Variants in LRP1B observed in about 807,000 individuals in gnomAD.
LRP1B encodes LDL receptor related protein 1B.
In LRP1B, 217 loss-of-function variants were observed where a neutral mutation model predicts 556.6. The ratio of observed to expected loss-of-function variants is 0.39; its 90% CI spans 0.35 to 0.44. The LOEUF (loss-of-function observed/expected upper bound fraction) is 0.44, where lower values mean the gene tolerates loss of function less well. LRP1B is among the 20% of genes least tolerant of loss of function. The probability of loss-of-function intolerance (pLI) is 1.00; values close to 1 mark genes in which losing one functional copy is unlikely to be tolerated. For synonymous variants in LRP1B, 2,047 were observed against 1,865.8 expected, an observed-to-expected ratio of 1.10 and a Z score of -2.50; for missense variants, 5,053 against 5,620.8, an observed-to-expected ratio of 0.90 and a Z score of 3.23.
At chr2:141,626,220 GT>G (rs994232038) in intron 2 of LRP1B, among the ~76,000 whole-genome samples, 1 of 152,108 alleles carries the variant, frequency 6.6e-6, no homozygotes, top group Non-Finnish European at 1.5e-5. Context: ...AGAAAAGATA[GT>G]TTTTCAACAA....
chr2:141,234,789 G>C (rs1369182879), intron 5 of LRP1B, among the ~76,000 whole-genome samples: 1 of 151,890 alleles, frequency 6.6e-6, no homozygotes, highest in Non-Finnish European at 1.5e-5. Context: ...ACAGAATCAT[G>C]GTGTGGAGAA....
intron 1 of LRP1B, among the ~76,000 whole-genome samples, chr2:141,890,417 G>C (rs1206020193): frequency 1.1e-5 from 1 of 90,342 alleles, no homozygotes; most frequent in Non-Finnish European, 2.3e-5. Flanking sequence ...ATACTGAATT[G>C]AAATTAAATG....
chr2:141,103,535 T>TCTCTCTCTC (rs1553460368), intron 7 of LRP1B, among the ~76,000 whole-genome samples: 1 of 151,884 alleles, frequency 6.6e-6, no homozygotes, highest in African/African-American at 2.4e-5. Context: ...TCTCTCTCTC[T>TCTCTCTCTC]TAAAAAGTTC....
intron 1 of LRP1B, among the ~76,000 whole-genome samples, chr2:141,976,019 AC>A (rs1452382882): frequency 6.7e-6 from 1 of 150,116 alleles, no homozygotes; most frequent in East Asian, 1.9e-4. Flanking sequence ...AATATAATGG[AC>A]TATAAAAGTT....
chr2:141,894,847 C>T (rs752096390), intron 1 of LRP1B, among the ~76,000 whole-genome samples: 56 of 151,634 alleles, frequency 3.7e-4, no homozygotes, highest in African/African-American at 8.0e-4. Flanking sequence ...GTTGGGAGTT[C>T]GAGACCAGCC....
At chr2:141,421,429 T>C (rs1680137290) in intron 3 of LRP1B, among the ~76,000 whole-genome samples, 1 of 149,104 alleles carries the variant, frequency 6.7e-6, no homozygotes, top group African/African-American at 2.5e-5. Context: ...CTTGGGAGGC[T>C]GAGGCAGGAG....
intron 3 of LRP1B, among the ~76,000 whole-genome samples, chr2:141,438,890 T>C (rs563668160): frequency 6.6e-6 from 1 of 152,290 alleles, no homozygotes; most frequent in East Asian, 1.9e-4. Flanking sequence ...GACATATGTT[T>C]ACTATCTTTG....
intron 51 of LRP1B, 115 bp from the exon 52 acceptor site, chr2:140,510,171 C>T (rs753681132): frequency 3.5e-5 from 40 of 1,138,938 alleles, no homozygotes; most frequent in Non-Finnish European, 4.5e-5. Flanking sequence ...TATAAGGAGG[C>T]GATTGTAGTT....
At chr2:141,015,593 C>T in intron 13 of LRP1B, 103 bp downstream of exon 13, 1 of 951,922 alleles carries the variant, frequency 1.1e-6, no homozygotes, top group Non-Finnish European at 1.6e-6. Flanking sequence ...GCAGCCACCT[C>T]AGAGGAGTAA....
At chr2:140,350,669 AGGAGAATATTG>A in intron 77 of LRP1B, 117 bp downstream of exon 77, 2 of 766,212 alleles carry the variant, frequency 2.6e-6, no homozygotes, top group Non-Finnish European at 3.9e-6. Flanking sequence ...TTTCTATTTA[AGGAGAATATTG>A]GGAGAATAAT....
chr2:141,258,153 C>T (rs952416435), intron 3 of LRP1B, among the ~76,000 whole-genome samples: 1 of 152,156 alleles, frequency 6.6e-6, no homozygotes, highest in Non-Finnish European at 1.5e-5. Context: ...GATCCATATT[C>T]CTCACCATTA....
At chr2:141,110,196 C>T (rs1032852849) in intron 7 of LRP1B, among the ~76,000 whole-genome samples, 13 of 152,090 alleles carry the variant, frequency 8.5e-5, no homozygotes, top group Non-Finnish European at 1.8e-4. Flanking sequence ...GGTATAGGGA[C>T]ATAGGCATTT....
At position 140,501,796 on chromosome 2, in the gene LRP1B, T is replaced by C. The variant is rs1241176491; in HGVS notation, c.8741A>G (p.Asp2914Gly). 1.9e-6 allele frequency: 3 copies of C among 1,612,810 alleles called. No individual in the cohort carries two copies. The African/African-American group carries it at 4.0e-5, about 22-fold the overall frequency. ...CTCATCTGAACCATCGCCACAGTCA[T>C]CCTTATTGTCGCAAAGACCTCCACT... Reference protein sequence around the residue: ...IPSGGLCDNKDDCGDGSDERN... With the variant: ...IPSGGLCDNKGDCGDGSDERN... Residue 2914 changes from aspartate to glycine, a missense_variant, in exon 55 of 91, where the codon GAT (aspartate) becomes GGT (glycine). This residue lies in a region of LRP1B where 3,619 missense variants were observed against 3,931.9 expected (regional missense o/e 0.92). Transcript: ENST00000389484.
intron 5 of LRP1B, among the ~76,000 whole-genome samples, chr2:141,232,183 C>CCCTCTACT (rs974798715): frequency 9.9e-5 from 15 of 152,058 alleles, no homozygotes; most frequent in Non-Finnish European, 1.0e-4. Context: ...ATTTAGTCTC[C>CCCTCTACT]CCTCTACTCC....
intron 83 of LRP1B, among the ~76,000 whole-genome samples, chr2:140,310,108 T>A (rs995488430): frequency 2.0e-5 from 3 of 151,788 alleles, no homozygotes; most frequent in African/African-American, 7.2e-5. Flanking sequence ...CATGTCTGAC[T>A]GGGCTCCTCC....
chr2:140,794,190 G>A (rs915358281), intron 32 of LRP1B, among the ~76,000 whole-genome samples: 9 of 152,086 alleles, frequency 5.9e-5, no homozygotes, highest in East Asian at 1.9e-4. Context: ...AGATAGGGCA[G>A]TAAATTATTT....
intron 2 of LRP1B, among the ~76,000 whole-genome samples, chr2:141,655,564 A>T (rs945820342): frequency 2.0e-5 from 3 of 152,162 alleles, no homozygotes; most frequent in Admixed American, 2.0e-4. Flanking sequence ...TATTTTTGAT[A>T]ATTTATTATT....
At chr2:141,772,624 T>C (rs891894444) in intron 2 of LRP1B, among the ~76,000 whole-genome samples, 1 of 152,154 alleles carries the variant, frequency 6.6e-6, no homozygotes, top group Non-Finnish European at 1.5e-5. Flanking sequence ...TCAGAGGGAT[T>C]TTTGTCTTTT....
At chr2:141,426,963 T>C (rs1469654390) in intron 3 of LRP1B, among the ~76,000 whole-genome samples, 1 of 152,108 alleles carries the variant, frequency 6.6e-6, no homozygotes, top group African/African-American at 2.4e-5. Flanking sequence ...GCCATGGTGG[T>C]TTGCTGCACC....
Sources: allele counts gnomAD v4.1 joint callset (sites outside exome capture counted in the v4.1 genomes callset), GRCh38; gene constraint gnomAD v4.1.1; regional missense constraint gnomAD v4.1.1; transcripts MANE v1.5; gene names NCBI Gene and HGNC (gene_info 2026-07-23, HGNC 2026-07-21).